Variants in MYLK4 observed in about 807,000 individuals in gnomAD.
MYLK4 encodes myosin light chain kinase family member 4.
MYLK4 carries 46 observed loss-of-function variants against 48.1 expected under a neutral mutation model. The ratio of observed to expected loss-of-function variants is 0.96; its 90% CI spans 0.75 to 1.22. The LOEUF is 1.22. Among genes scored for constraint, MYLK4 ranks in the 50% most tolerant of loss-of-function variants. The pLI is 0.00. For synonymous variants in MYLK4, 170 were observed against 180.8 expected (o/e 0.94, Z 0.48); for missense variants, 451 against 486.1 (o/e 0.93, Z 0.68).
chr6:2,706,067 T>C (rs1762475637), intron 2 of MYLK4, among the ~76,000 whole-genome samples: 2 of 152,218 alleles, frequency 1.3e-5, no homozygotes, highest in Admixed American at 1.3e-4. Flanking sequence ...CACTGAATAA[T>C]ATTGATGATC....
At chr6:2,741,080 G>T (rs1763883917) in intron 2 of MYLK4, among the ~76,000 whole-genome samples, 2 of 136,534 alleles carry the variant, frequency 1.5e-5, no homozygotes, top group African/African-American at 5.5e-5. Context: ...TTTTGCTTTG[G>T]CTAAAAATGT....
intron 2 of MYLK4, among the ~76,000 whole-genome samples, chr6:2,719,985 A>G (rs1763010669): frequency 6.6e-6 from 1 of 152,080 alleles, no homozygotes; most frequent in South Asian, 2.1e-4. Flanking sequence ...TAAAAATACA[A>G]AAATCAGTCC....
At chr6:2,765,843 T>C in the MYLK4 span, 1 of 1,397,620 alleles carries the variant, frequency 7.2e-7, no homozygotes, top group Non-Finnish European at 9.3e-7. Flanking sequence ...AGGCGGCGGC[T>C]GTCGGAGAGC....
the MYLK4 span, among the ~76,000 whole-genome samples, chr6:2,766,709 G>T: frequency 6.6e-6 from 1 of 152,224 alleles, no homozygotes; most frequent in Non-Finnish European, 1.5e-5. Flanking sequence ...AGTTTTACAA[G>T]ATGTGGACTC....
the MYLK4 span, chr6:2,765,973 C>G: frequency 7.1e-7 from 1 of 1,410,568 alleles, no homozygotes; most frequent in Non-Finnish European, 9.3e-7. Flanking sequence ...CGCCCACACC[C>G]AGCGGCGCCC....
chr6:2,766,096 C>G, the MYLK4 span: 27 of 1,314,866 alleles, frequency 2.1e-5, no homozygotes, highest in Non-Finnish European at 2.4e-5. Context: ...GCAGCTGGGA[C>G]GAGGCGGAGG....
At chr6:2,754,117 T>G (rs1325970322), upstream of MYLK4, among the ~76,000 whole-genome samples, 1 of 151,840 alleles carries the variant, frequency 6.6e-6, no homozygotes, top group Non-Finnish European at 1.5e-5. Flanking sequence ...ATAAAAGAGG[T>G]TGGCAATTTC....
intron 2 of MYLK4, among the ~76,000 whole-genome samples, chr6:2,704,334 T>G (rs113380397): frequency 9.8e-5 from 15 of 152,328 alleles, no homozygotes; most frequent in African/African-American, 3.6e-4. Context: ...AAGTCCCACG[T>G]CCATGCAGCG....
At chr6:2,736,752 C>A (rs1296984228) in intron 2 of MYLK4, among the ~76,000 whole-genome samples, 3 of 152,204 alleles carry the variant, frequency 2.0e-5, no homozygotes, top group Admixed American at 2.0e-4. Context: ...GGAAACACAG[C>A]TTCTGCTGTG....
chr6:2,702,046 C>T (rs1253958033), intron 2 of MYLK4, among the ~76,000 whole-genome samples: 1 of 152,198 alleles, frequency 6.6e-6, no homozygotes, highest in East Asian at 1.9e-4. Flanking sequence ...ACAGCATTCA[C>T]TGGGGGCCGC....
chr6:2,715,166 A>T (rs1197304251), intron 2 of MYLK4, among the ~76,000 whole-genome samples: 2 of 151,668 alleles, frequency 1.3e-5, no homozygotes, highest in Non-Finnish European at 2.9e-5. Flanking sequence ...CAGGAAGCTG[A>T]GGAGAATCAC....
In MYLK4 at chr6:2,749,259, C is replaced by T. The variant is rs749598843; in HGVS notation, c.36G>A (p.Thr12=). The T allele has an allele frequency of 1.1e-5, 17 of 1,614,072 alleles. No individual in the cohort carries two copies. The East Asian group carries it at 1.3e-4, about 13-fold the overall frequency. Residue 12 remains threonine (T), a synonymous_variant, in exon 2 of 13, where the codon ACG becomes ACA. Coordinates refer to ENST00000274643, the MANE Select transcript of MYLK4 (RefSeq NM_001012418.5). Reference sequence around the variant, plus strand: ...TCTCCAGCTGGTTGCTGTTATAACACGTGTTGAATTCTTCCAGCCTCTTCA... The same window carrying T: ...TCTCCAGCTGGTTGCTGTTATAACATGTGTTGAATTCTTCCAGCCTCTTCA... ...LKVKRLEEFN[T]CYNSNQLEKM... is the part of the protein sequence containing the mutation.
the MYLK4 span, chr6:2,766,197 A>T: frequency 7.1e-7 from 1 of 1,406,466 alleles, no homozygotes; most frequent in Non-Finnish European, 9.3e-7. Context: ...TGGGACGCGG[A>T]CGCTGCCGAA....
upstream of MYLK4, among the ~76,000 whole-genome samples, chr6:2,752,918 C>T (rs17135673): frequency 0.13 from 19,314 of 152,178 alleles, 1,597 homozygotes; most frequent in East Asian, 0.32. Context: ...GACAAGCACA[C>T]TGCTGGCACA....
At chr6:2,765,555 A>G in the MYLK4 span, 5 of 1,373,400 alleles carry the variant, frequency 3.6e-6, no homozygotes, top group South Asian at 3.2e-5. Flanking sequence ...AGCGGAGGGC[A>G]TCGAAGGCCT....
At chr6:2,744,447 G>A (rs986805792) in intron 2 of MYLK4, among the ~76,000 whole-genome samples, 1 of 152,232 alleles carries the variant, frequency 6.6e-6, no homozygotes, top group African/African-American at 2.4e-5. Context: ...AGGGATGGAG[G>A]TGGCGAAATG....
In MYLK4 at chr6:2,665,245, CAGCAG is replaced by C. The variant is rs1760599583; in HGVS notation, c.*2675_*2679del. ...GCAAAGCCCCCTTTCCCCATTAGAGCAGCAGTCTACCTAGTTACCAGCTCTCGCTG... is the reference window on the plus strand; with the variant it reads ...GCAAAGCCCCCTTTCCCCATTAGAGCTCTACCTAGTTACCAGCTCTCGCTG... On this transcript the variant is annotated 3_prime_UTR_variant, in exon 13 of 13. Transcript: ENST00000274643. The C allele has an allele frequency of 6.6e-6, 1 of 152,362 alleles. No homozygotes were observed. The allele number at this position is 152,362 out of a possible 1,614,324, so 9.4% of individuals were successfully genotyped here.
At chr6:2,737,987 G>GA (rs1561878056) in intron 2 of MYLK4, among the ~76,000 whole-genome samples, 3 of 118,894 alleles carry the variant, frequency 2.5e-5, no homozygotes, top group Admixed American at 9.1e-5. Context: ...CGGGTGGGGG[G>GA]GGGGTGGTCA....
chr6:2,721,385 C>A (rs1763062748), intron 2 of MYLK4, among the ~76,000 whole-genome samples: 1 of 152,028 alleles, frequency 6.6e-6, no homozygotes, highest in Admixed American at 6.6e-5. Context: ...GACTGGGGGA[C>A]CAAGATAACT....
Sources: gnomAD v4.1 joint callset for allele counts (sites outside exome capture counted in the v4.1 genomes callset) on GRCh38, gnomAD v4.1.1 for gene constraint, MANE v1.5 for transcripts, NCBI Gene and HGNC (gene_info 2026-07-23, HGNC 2026-07-21) for gene names.